The following TRAPPC9 variants were observed in gnomAD, a reference collection of about 807,000 sequenced individuals.
TRAPPC9 encodes the protein IKK2 binding protein.
A neutral mutation model predicts 124.0 loss-of-function variants in TRAPPC9; 83 were observed. The observed-to-expected ratio is 0.67, with a 90% CI of 0.56 to 0.80. The LOEUF is 0.80. TRAPPC9 is among the 30% of genes least tolerant of loss of function. The pLI, the probability that TRAPPC9 is intolerant of heterozygous loss-of-function variation, is 0.00. For missense variants in TRAPPC9, 1,302 were observed against 1,508.3 expected, an observed-to-expected ratio of 0.86 and a Z score of 2.27; for synonymous variants, 638 against 617.5, an observed-to-expected ratio of 1.03 and a Z score of -0.49.
At chr8:139,924,030 G>C (rs975706881) in intron 19 of TRAPPC9, among the ~76,000 whole-genome samples, 1 of 152,162 alleles carries the variant, frequency 6.6e-6, no homozygotes, top group South Asian at 2.1e-4. Context: ...AGCACGGGGA[G>C]GGGGCATGGC....
At chr8:139,810,047 C>T (rs891286488) in intron 21 of TRAPPC9, among the ~76,000 whole-genome samples, 2 of 152,198 alleles carry the variant, frequency 1.3e-5, no homozygotes, top group Non-Finnish European at 2.9e-5. Context: ...TCTGCTCAGA[C>T]AGGCAGACCT....
intron 9 of TRAPPC9, among the ~76,000 whole-genome samples, chr8:140,323,894 A>G (rs1489439034): frequency 1.9e-5 from 2 of 102,592 alleles, no homozygotes; most frequent in East Asian, 3.1e-4. Flanking sequence ...TTTAAAAAAT[A>G]TATTTTTTTT....
At chr8:139,993,683 G>A (rs1837783842) in intron 18 of TRAPPC9, among the ~76,000 whole-genome samples, 1 of 152,178 alleles carries the variant, frequency 6.6e-6, no homozygotes. Flanking sequence ...AGAGTTATAT[G>A]ATGGAAACCT....
At chr8:140,133,961 T>C (rs1014457874) in intron 17 of TRAPPC9, among the ~76,000 whole-genome samples, 1 of 151,484 alleles carries the variant, frequency 6.6e-6, no homozygotes. Flanking sequence ...ATTGTTAAGA[T>C]GCCAATACTA....
At chr8:140,328,373 T>A (rs559564201) in intron 9 of TRAPPC9, among the ~76,000 whole-genome samples, 118 of 152,226 alleles carry the variant, frequency 7.8e-4, no homozygotes, top group African/African-American at 2.8e-3. Flanking sequence ...ACGTACATGA[T>A]CAATCGTTGA....
At chr8:139,923,515 C>T (rs1048990398) in intron 19 of TRAPPC9, among the ~76,000 whole-genome samples, 4 of 152,238 alleles carry the variant, frequency 2.6e-5, no homozygotes, top group East Asian at 1.9e-4. Flanking sequence ...TTCAGCCCCA[C>T]CTCCACCTGG....
chr8:140,405,647 C>T lies in TRAPPC9; in HGVS notation c.938G>A (p.Arg313His), dbSNP rs757159552. The change falls in exon 6 of 23, where the codon CGT (arginine) becomes CAT (histidine). Residue 313 changes from arginine (R) to histidine (H), a missense_variant. Around this residue, in one of 3 missense-constraint regions of TRAPPC9, gnomAD observed 657 missense variants for 811.2 expected, o/e 0.81. Transcript: ENST00000438773. ...INPDTSTEIG[R>H]AKNCLSPEDI... ...TTCAGGGCTAAGGCAGTTCTTAGCACGTCCGATCTCAGTACTGGTGTCAGG... is the reference window on the plus strand; with the variant it reads ...TTCAGGGCTAAGGCAGTTCTTAGCATGTCCGATCTCAGTACTGGTGTCAGG... The T allele has an allele frequency of 1.5e-5, 24 of 1,614,136 alleles. 1 individual carries two copies. The highest frequency in any genetic ancestry group is 2.0e-5 in the Non-Finnish European group (24 of 1,179,988).
intron 2 of TRAPPC9, among the ~76,000 whole-genome samples, chr8:140,445,955 G>A (rs116963190): frequency 0.021 from 3,232 of 152,294 alleles, 48 homozygotes; most frequent in Non-Finnish European, 0.035. Context: ...GATCAGTAAT[G>A]CAAACAAATG....
At position 139,990,321 on chromosome 8, in the gene TRAPPC9, G is replaced by A. The variant is rs1031600964; in HGVS notation, c.2700-1485C>T. ...GCCCGAGGCCCTGGATGCAGAGCTC[G>A]AAACCCTCGGCTTTTCCCAATAGAT... On this transcript the variant is annotated intron_variant, in intron 18 of 22. Coordinates refer to ENST00000438773, the MANE Select transcript of TRAPPC9 (RefSeq NM_001160372.4). 2.6e-5 allele frequency among the ~76,000 whole-genome samples: 4 copies of A among 152,176 alleles called. 1 individual carries two copies. Among genetic ancestry groups the A allele is most frequent in the Non-Finnish European group, 5.9e-5 (4 of 68,028 alleles).
chr8:139,882,948 C>G (rs947299465), intron 21 of TRAPPC9, among the ~76,000 whole-genome samples: 1 of 152,080 alleles, frequency 6.6e-6, no homozygotes, highest in African/African-American at 2.4e-5. Context: ...CCTGAGCCCC[C>G]CTATGAAAAA....
intron 17 of TRAPPC9, among the ~76,000 whole-genome samples, chr8:140,195,974 C>T (rs56258371): frequency 1.8e-4 from 26 of 146,298 alleles, no homozygotes; most frequent in African/African-American, 5.1e-4. Flanking sequence ...AACTATCCAC[C>T]GTACAGATCA....
chr8:139,785,533 A>C (rs1822163145), intron 21 of TRAPPC9, among the ~76,000 whole-genome samples: 1 of 136,364 alleles, frequency 7.3e-6, no homozygotes, highest in Admixed American at 7.5e-5. Flanking sequence ...CCTCATCTCT[A>C]CTAAACACAC....
intron 17 of TRAPPC9, among the ~76,000 whole-genome samples, chr8:140,139,847 C>T (rs763425912): frequency 6.6e-6 from 1 of 151,944 alleles, no homozygotes; most frequent in Non-Finnish European, 1.5e-5. Flanking sequence ...TATCTAACAG[C>T]GTTCAAAAGC....
chr8:139,838,598 G>A lies in TRAPPC9; in HGVS notation c.3055+47281C>T, dbSNP rs149813344. On this transcript the variant is annotated intron_variant, in intron 21 of 22. Transcript: ENST00000438773. ...ACCACCCTGGCGGGTCTCCTTGGCC[G>A]CAGAGTTAGTCCACTTTCCTTCAGG... Among the ~76,000 whole-genome samples the A allele has an allele frequency of 4.3e-3, 656 of 152,224 alleles. 5 individuals carry two copies. Among genetic ancestry groups the A allele is most frequent in the African/African-American group, 0.015 (616 of 41,532 alleles).
intron 19 of TRAPPC9, among the ~76,000 whole-genome samples, chr8:139,934,669 A>G (rs1833400679): frequency 6.6e-6 from 1 of 152,214 alleles, no homozygotes; most frequent in Admixed American, 6.5e-5. Flanking sequence ...CAGGCTGCAC[A>G]TGTGGCCACA....
intron 16 of TRAPPC9, among the ~76,000 whole-genome samples, chr8:140,249,293 T>C (rs1024257213): frequency 6.6e-6 from 1 of 152,194 alleles, no homozygotes; most frequent in African/African-American, 2.4e-5. Flanking sequence ...TGCTTTTCTA[T>C]TCCTGCATTC....
intron 9 of TRAPPC9, among the ~76,000 whole-genome samples, chr8:140,317,641 T>A (rs2066475651): frequency 6.6e-6 from 1 of 152,214 alleles, no homozygotes; most frequent in Non-Finnish European, 1.5e-5. Flanking sequence ...TTAATTTTTT[T>A]TTAAGTTTAA....
chr8:139,783,564 G>A (rs940929511), intron 21 of TRAPPC9, among the ~76,000 whole-genome samples: 4 of 152,242 alleles, frequency 2.6e-5, no homozygotes, highest in Non-Finnish European at 5.9e-5. Flanking sequence ...TTCAGGTCCC[G>A]ATTATTTTAC....
chr8:140,312,647 A>G (rs1444471782), intron 9 of TRAPPC9, among the ~76,000 whole-genome samples: 1 of 152,212 alleles, frequency 6.6e-6, no homozygotes, highest in Non-Finnish European at 1.5e-5. Context: ...GCTGGTGACC[A>G]TAAATAATAA....
Sources: allele counts gnomAD v4.1 joint callset (sites outside exome capture counted in the v4.1 genomes callset), GRCh38; gene constraint gnomAD v4.1.1; regional missense constraint gnomAD v4.1.1; transcripts MANE v1.5; gene names NCBI Gene and HGNC (gene_info 2026-07-23, HGNC 2026-07-21).